Variants in SH2D4B observed in about 807,000 individuals in gnomAD.
SH2D4B encodes SH2 domain containing 4B.
A neutral mutation model predicts 61.5 loss-of-function variants in SH2D4B; 45 were observed. The observed-to-expected ratio is 0.73, with a 90% confidence interval of 0.58 to 0.94. The LOEUF is 0.94. Ranked by LOEUF, SH2D4B falls within the 40% of genes least tolerant of loss-of-function variation. SH2D4B has a pLI of 0.00. For synonymous variants in SH2D4B, 224 were observed against 220.4 expected, an observed-to-expected ratio of 1.02 and a Z score of -0.14; for missense variants, 572 against 574.2, an observed-to-expected ratio of 1.00 and a Z score of 0.04.
intron 1 of SH2D4B, among the ~76,000 whole-genome samples, chr10:80,563,918 G>T (rs1841936893): frequency 6.6e-6 from 1 of 152,204 alleles, no homozygotes; most frequent in South Asian, 2.1e-4. Context: ...TTCTCTTACA[G>T]AACCCCAATC....
At chr10:80,627,373 C>A (rs1317789535) in intron 6 of SH2D4B, among the ~76,000 whole-genome samples, 1 of 152,168 alleles carries the variant, frequency 6.6e-6, no homozygotes, top group Non-Finnish European at 1.5e-5. Flanking sequence ...TGGAGCTTGA[C>A]TGCTGCCTAT....
intron 3 of SH2D4B, among the ~76,000 whole-genome samples, chr10:80,577,389 C>T (rs1842137861): frequency 6.6e-6 from 1 of 151,994 alleles, no homozygotes. Flanking sequence ...CAGAATCATA[C>T]ACAAATAAAA....
chr10:80,563,672 AG>A (rs1195717102), intron 1 of SH2D4B, among the ~76,000 whole-genome samples: 2 of 152,354 alleles, frequency 1.3e-5, no homozygotes, highest in Non-Finnish European at 2.9e-5. Flanking sequence ...AGTTTTAACT[AG>A]GGGAAATATT....
At chr10:80,630,584 A>T (rs2132159250) in intron 6 of SH2D4B, among the ~76,000 whole-genome samples, 1 of 152,338 alleles carries the variant, frequency 6.6e-6, no homozygotes, top group African/African-American at 2.4e-5. Flanking sequence ...CAGAGGATTG[A>T]TGTGCAGGCA....
At chr10:80,554,185 A>G (rs981695968) in intron 1 of SH2D4B, among the ~76,000 whole-genome samples, 1 of 152,224 alleles carries the variant, frequency 6.6e-6, no homozygotes, top group Admixed American at 6.5e-5. Flanking sequence ...CTGTGTTAAG[A>G]GAACACATCG....
intron 3 of SH2D4B, among the ~76,000 whole-genome samples, chr10:80,579,513 G>A (rs1244554647): frequency 5.9e-5 from 9 of 151,968 alleles, no homozygotes; most frequent in Non-Finnish European, 1.2e-4. Context: ...CACAGAACAC[G>A]GCTCAATAAA....
At chr10:80,545,945 C>T (rs1841672834) in intron 1 of SH2D4B, among the ~76,000 whole-genome samples, 1 of 152,074 alleles carries the variant, frequency 6.6e-6, no homozygotes, top group South Asian at 2.1e-4. Flanking sequence ...AATGATAAAT[C>T]TGTCACCTTT....
chr10:80,546,779 G>A (rs371862117), intron 1 of SH2D4B, among the ~76,000 whole-genome samples: 8 of 151,208 alleles, frequency 5.3e-5, no homozygotes, highest in Admixed American at 4.6e-4. Context: ...CGTCCGCCTC[G>A]GCCTCCCAAA....
chr10:80,543,720 G>A (rs1397339581), intron 1 of SH2D4B, among the ~76,000 whole-genome samples: 3 of 152,186 alleles, frequency 2.0e-5, no homozygotes, highest in Non-Finnish European at 4.4e-5. Flanking sequence ...CTAGCTAAGG[G>A]ATTGTAAATA....
chr10:80,546,876 A>C (rs1564764896), intron 1 of SH2D4B, among the ~76,000 whole-genome samples: 1 of 152,208 alleles, frequency 6.6e-6, no homozygotes, highest in Non-Finnish European at 1.5e-5. Flanking sequence ...CAAGCTAATT[A>C]TCTTTATCAG....
At chr10:80,540,853 T>G in intron 1 of SH2D4B, 1 of 1,551,336 alleles carries the variant, frequency 6.4e-7, no homozygotes, top group Middle Eastern at 1.7e-4. Flanking sequence ...GCGGGAATTG[T>G]GCGGGGACGG....
At chr10:80,635,667 C>T (rs533201140) in intron 7 of SH2D4B, among the ~76,000 whole-genome samples, 39 of 152,170 alleles carry the variant, frequency 2.6e-4, no homozygotes, top group African/African-American at 7.9e-4. Context: ...CAGAGGAAAG[C>T]GAAAGGGAGG....
intron 7 of SH2D4B, among the ~76,000 whole-genome samples, chr10:80,637,534 C>G: frequency 6.6e-6 from 1 of 152,236 alleles, no homozygotes; most frequent in Admixed American, 6.5e-5. Flanking sequence ...ATATTTTATT[C>G]TCTTTGTACC....
chr10:80,557,064 A>G (rs1841847491), intron 1 of SH2D4B, among the ~76,000 whole-genome samples: 1 of 152,032 alleles, frequency 6.6e-6, no homozygotes, highest in Non-Finnish European at 1.5e-5. Context: ...GTGAGGAACT[A>G]CCCTCTATTT....
chr10:80,646,556 C>T lies in SH2D4B; in HGVS notation c.*2471C>T, dbSNP rs1192412665. ...TTATGCTAATAAATGTCAGGATTCTCATATAAAGGAGTTGCCTTTTTTTTC... is the reference window on the plus strand; with the variant it reads ...TTATGCTAATAAATGTCAGGATTCTTATATAAAGGAGTTGCCTTTTTTTTC... On this transcript the variant is annotated 3_prime_UTR_variant, in exon 8 of 8. Coordinates refer to ENST00000646907, the MANE Select transcript of SH2D4B (RefSeq NM_001388272.1). 2.0e-5 allele frequency: 3 copies of T among 151,930 alleles called. No homozygotes were observed. The highest frequency in any genetic ancestry group is 4.8e-5 in the African/African-American group (2 of 41,342). 9.4% of individuals were successfully genotyped at this position (151,930 alleles called of 1,614,324 possible).
intron 1 of SH2D4B, among the ~76,000 whole-genome samples, chr10:80,561,192 G>A (rs751233988): frequency 1.3e-5 from 2 of 152,078 alleles, no homozygotes; most frequent in Non-Finnish European, 2.9e-5. Flanking sequence ...TTTCAGACTT[G>A]GGTATTTGAA....
intron 1 of SH2D4B, among the ~76,000 whole-genome samples, chr10:80,564,040 G>A (rs1054654205): frequency 1.3e-5 from 2 of 152,174 alleles, no homozygotes; most frequent in South Asian, 2.1e-4. Context: ...TTTATTAATA[G>A]TTGTGATCAT....
rs905678767 is a variant in SH2D4B at position 80,634,763 on chromosome 10, G to T, written c.1209+258G>T. On this transcript the variant is annotated intron_variant, in intron 7 of 7. Transcript: ENST00000646907. Reference sequence around the variant, plus strand: ...TGGTCCTCAGGCCTCTTCTCACCTTGGGTACCTGAGTGCTCCCTCCTGTTA... The same window carrying T: ...TGGTCCTCAGGCCTCTTCTCACCTTTGGTACCTGAGTGCTCCCTCCTGTTA... Among the ~76,000 whole-genome samples the T allele has an allele frequency of 2.6e-5, 4 of 152,258 alleles. No homozygotes were observed. The East Asian group carries it at 7.7e-4, about 29-fold the overall frequency.
At chr10:80,613,307 C>A (rs976579035) in intron 6 of SH2D4B, among the ~76,000 whole-genome samples, 2 of 152,194 alleles carry the variant, frequency 1.3e-5, no homozygotes, top group Non-Finnish European at 2.9e-5. Flanking sequence ...ATAACCTTGG[C>A]TTTGGGGAAA....
Sources: allele counts gnomAD v4.1 joint callset (sites outside exome capture counted in the v4.1 genomes callset), GRCh38; gene constraint gnomAD v4.1.1; transcripts MANE v1.5; gene names NCBI Gene and HGNC (gene_info 2026-07-23, HGNC 2026-07-21).